The following PARD3B variants were observed in gnomAD, a reference collection of about 807,000 sequenced individuals.
The protein encoded by PARD3B is partitioning defective 3 homolog B.
In PARD3B, 103 loss-of-function variants were observed where a neutral mutation model predicts 130.2. The observed-to-expected ratio is 0.79, with a 90% CI of 0.67 to 0.93. The LOEUF (loss-of-function observed/expected upper bound fraction) is 0.93, where lower values mean the gene tolerates loss of function less well. PARD3B is among the 40% of genes least tolerant of loss of function. The pLI, the probability that PARD3B is intolerant of heterozygous loss-of-function variation, is 0.00. For synonymous variants in PARD3B, 583 were observed against 553.2 expected, an observed-to-expected ratio of 1.05 and a Z score of -0.76; for missense variants, 1,609 against 1,499.2, an observed-to-expected ratio of 1.07 and a Z score of -1.21.
rs146869012 is a variant in PARD3B, at chr2:205,093,483, A to G, written c.505-10943A>G. Among the ~76,000 whole-genome samples the G allele has an allele frequency of 5.3e-3, 814 of 152,220 alleles. 5 individuals carry two copies. The highest frequency in any genetic ancestry group is 0.018 in the African/African-American group (761 of 41,548). On this transcript the variant is annotated intron_variant, in intron 4 of 22. Coordinates refer to ENST00000406610, the MANE Select transcript of PARD3B (RefSeq NM_001302769.2). ...CTGAAGAGGGAGATTGAGTCCATGC[A>G]GAGTGTTCAGGGAAAAAGTGGCTCA...
At chr2:204,815,564 T>C (rs879003973) in intron 2 of PARD3B, among the ~76,000 whole-genome samples, 2 of 151,986 alleles carry the variant, frequency 1.3e-5, no homozygotes, top group Admixed American at 1.3e-4. Flanking sequence ...TCCATTTTGC[T>C]GCTAACTTTG....
chr2:205,192,522 C>T (rs1343864152), intron 14 of PARD3B, among the ~76,000 whole-genome samples: 1 of 152,176 alleles, frequency 6.6e-6, no homozygotes, highest in Non-Finnish European at 1.5e-5. Context: ...CCTCTATCCT[C>T]AAGCAAAATA....
At chr2:205,429,123 T>C (rs2047241448) in intron 19 of PARD3B, among the ~76,000 whole-genome samples, 1 of 152,180 alleles carries the variant, frequency 6.6e-6, no homozygotes, top group Admixed American at 6.5e-5. Flanking sequence ...AGGAATGCAA[T>C]TGAATAAAAA....
chr2:205,125,638 C>G lies in PARD3B; in HGVS notation c.1335C>G (p.Thr445=), dbSNP rs373107570. 6.2e-7 allele frequency: 1 copy of G among 1,613,872 alleles called. No homozygotes were observed. Among genetic ancestry groups the G allele is most frequent in the African/African-American group, 1.3e-5 (1 of 74,938 alleles). ...EVNGRDVTGR[T]QEELVAMLRS... ...ATGGGAGAGATGTCACCGGACGAACCCAGGAAGAGCTTGTGGCCATGCTCA... is the reference window on the plus strand; with the variant it reads ...ATGGGAGAGATGTCACCGGACGAACGCAGGAAGAGCTTGTGGCCATGCTCA... The change falls in exon 10 of 23, where the codon ACC becomes ACG. Residue 445 remains threonine (T), a synonymous_variant. Transcript: ENST00000406610. This position sits in a 1 kb window ranked among gnomAD's most constrained non-coding sequence, Gnocchi z 4.0.
chr2:205,070,239 A>G (rs1700639850), intron 4 of PARD3B, among the ~76,000 whole-genome samples: 2 of 152,200 alleles, frequency 1.3e-5, no homozygotes, highest in Non-Finnish European at 2.9e-5. Flanking sequence ...ATCTAAAACA[A>G]TAAGTATTTT....
At chr2:205,071,855 T>C (rs1451839994) in intron 4 of PARD3B, among the ~76,000 whole-genome samples, 2 of 152,186 alleles carry the variant, frequency 1.3e-5, no homozygotes, top group African/African-American at 4.8e-5. Flanking sequence ...CTCACATTGC[T>C]GTCTATAGAT....
At position 205,255,752 on chromosome 2, in the gene PARD3B, A is replaced by G. The variant is rs115210791; in HGVS notation, c.2185+9930A>G. ...GGGCTGGATGGAAGAGATGAATAGA[A>G]CAAGGTTGTGGGAAGGTTCTAGGAG... On this transcript the variant is annotated intron_variant, in intron 16 of 22. Coordinates refer to ENST00000406610, the MANE Select transcript of PARD3B (RefSeq NM_001302769.2). 7.5e-3 allele frequency among the ~76,000 whole-genome samples: 1,139 copies of G among 152,282 alleles called. 18 individuals carry two copies. Among genetic ancestry groups the G allele is most frequent in the African/African-American group, 0.026 (1,070 of 41,560 alleles).
At chr2:204,848,444 G>A (rs1370769391) in intron 2 of PARD3B, among the ~76,000 whole-genome samples, 1 of 152,096 alleles carries the variant, frequency 6.6e-6, no homozygotes, top group Non-Finnish European at 1.5e-5. Context: ...CTGTCAGCCT[G>A]GGCAACATTG....
intron 16 of PARD3B, among the ~76,000 whole-genome samples, chr2:205,294,387 C>T (rs2041714356): frequency 1.3e-5 from 2 of 152,006 alleles, no homozygotes; most frequent in Non-Finnish European, 1.5e-5. Flanking sequence ...GTAATGAATT[C>T]ACTATTTGTT....
intron 4 of PARD3B, among the ~76,000 whole-genome samples, chr2:205,057,989 C>T (rs11674787): frequency 0.46 from 70,187 of 151,332 alleles, 16,426 homozygotes; most frequent in South Asian, 0.62. Flanking sequence ...CATTGTTCTG[C>T]ATCCATCACT....
intron 21 of PARD3B, among the ~76,000 whole-genome samples, chr2:205,521,946 C>T (rs1180877382): frequency 1.3e-5 from 2 of 151,912 alleles, no homozygotes; most frequent in Non-Finnish European, 2.9e-5. Context: ...CTGGGTAATT[C>T]TTTGACACCT....
chr2:204,820,791 G>A (rs1446297091), intron 2 of PARD3B, among the ~76,000 whole-genome samples: 1 of 149,960 alleles, frequency 6.7e-6, no homozygotes, highest in South Asian at 2.2e-4. Flanking sequence ...ACTCCAGCCT[G>A]GGTGATAGAG....
chr2:205,462,947 T>TA (rs2048500773), intron 20 of PARD3B, among the ~76,000 whole-genome samples: 1 of 152,192 alleles, frequency 6.6e-6, no homozygotes, highest in Admixed American at 6.5e-5. Context: ...AACAATTCTG[T>TA]ACCCAGTTTT....
At chr2:205,432,041 G>A (rs1364673672) in intron 19 of PARD3B, among the ~76,000 whole-genome samples, 1 of 152,072 alleles carries the variant, frequency 6.6e-6, no homozygotes, top group Non-Finnish European at 1.5e-5. Flanking sequence ...ATCTTTTTAG[G>A]TAGATGAAAT....
intron 2 of PARD3B, among the ~76,000 whole-genome samples, chr2:204,719,340 T>C (rs1028861459): frequency 1.4e-4 from 22 of 152,216 alleles, no homozygotes; most frequent in Admixed American, 1.4e-3. Flanking sequence ...GTTGAGGAAT[T>C]AGGGCCAAAT....
At chr2:204,561,388 T>C (rs890914471) in intron 1 of PARD3B, among the ~76,000 whole-genome samples, 8 of 152,184 alleles carry the variant, frequency 5.3e-5, no homozygotes, top group African/African-American at 1.9e-4. Context: ...CCCGCTCTTG[T>C]CCCTTTTCCA....
chr2:204,604,090 T>A (rs2033617362), intron 1 of PARD3B, among the ~76,000 whole-genome samples: 1 of 152,184 alleles, frequency 6.6e-6, no homozygotes, highest in Non-Finnish European at 1.5e-5. Flanking sequence ...AGAAGACAAC[T>A]GTGGAGGCGA....
In PARD3B at chr2:205,615,727, C is replaced by G; in HGVS notation, c.3532C>G (p.Pro1178Ala). ...RMPAYQETGR[P>A]GPRGGSPDQY... The stretch of plus-strand genomic sequence containing the variant: ...GCCAGCCTATCAGGAAACAGGCAGA[C>G]CAGGGCCCCGTGGGGGCAGCCCAGA... The change falls in exon 23 of 23, where the codon CCA becomes GCA. Residue 1178 changes from proline to alanine, a missense_variant. Coordinates refer to ENST00000406610, the MANE Select transcript of PARD3B (RefSeq NM_001302769.2). The G allele has an allele frequency of 1.2e-6, 2 of 1,614,116 alleles. No homozygotes were observed. The highest frequency in any genetic ancestry group is 1.6e-4 in the Middle Eastern group (1 of 6,062).
At chr2:204,960,764 A>G (rs937139754) in intron 2 of PARD3B, among the ~76,000 whole-genome samples, 8 of 152,162 alleles carry the variant, frequency 5.3e-5, no homozygotes, top group Non-Finnish European at 8.8e-5. Context: ...CATGGAGCTT[A>G]CATTCTAGTG....
Sources: gnomAD v4.1 joint callset for allele counts (sites outside exome capture counted in the v4.1 genomes callset) on GRCh38, gnomAD v4.1.1 for gene constraint, Gnocchi (gnomAD v3.1) non-coding constraint, MANE v1.5 for transcripts, NCBI Gene and HGNC (gene_info 2026-07-23, HGNC 2026-07-21) for gene names.